Variants in GALNT3 observed in about 807,000 individuals in gnomAD.
The protein encoded by GALNT3 is GalNAc transferase 3.
A neutral mutation model predicts 69.8 loss-of-function variants in GALNT3; 51 were observed. The observed-to-expected ratio is 0.73, with a 90% CI of 0.58 to 0.92. The LOEUF is 0.92. GALNT3 is among the 40% of genes least tolerant of loss of function. The probability of loss-of-function intolerance (pLI) is 0.00; values close to 1 mark genes in which losing one functional copy is unlikely to be tolerated. For missense variants in GALNT3, 711 were observed against 760.0 expected, an observed-to-expected ratio of 0.94 and a Z score of 0.76; for synonymous variants, 265 against 248.5, an observed-to-expected ratio of 1.07 and a Z score of -0.63.
intron 1 of GALNT3, among the ~76,000 whole-genome samples, chr2:165,780,481 G>C (rs765655819): frequency 3.3e-5 from 5 of 152,036 alleles, no homozygotes; most frequent in Non-Finnish European, 7.4e-5. Context: ...CAACATGGTG[G>C]ACAACCATAT....
intron 10 of GALNT3, among the ~76,000 whole-genome samples, chr2:165,749,225 G>A (rs750676313): frequency 7.9e-5 from 12 of 152,020 alleles, no homozygotes; most frequent in Non-Finnish European, 1.2e-4. Flanking sequence ...CAGTGTTAAC[G>A]TTTTCTAGTA....
intron 4 of GALNT3, among the ~76,000 whole-genome samples, chr2:165,761,589 C>G (rs577557141): frequency 1.6e-4 from 22 of 135,308 alleles, no homozygotes; most frequent in African/African-American, 5.4e-4. Context: ...CAAACAAACA[C>G]TTTTTTTTTT....
intron 1 of GALNT3, among the ~76,000 whole-genome samples, chr2:165,779,686 AC>A (rs955689576): frequency 2.0e-5 from 3 of 152,236 alleles, no homozygotes; most frequent in African/African-American, 7.2e-5. Flanking sequence ...GTTAACATAT[AC>A]AAAAAAAACC....
At chr2:165,769,449 A>G (rs2105418813) in intron 2 of GALNT3, among the ~76,000 whole-genome samples, 1 of 142,974 alleles carries the variant, frequency 7.0e-6, no homozygotes, top group East Asian at 2.1e-4. Context: ...ATAAATAAAT[A>G]AATAAATAAT....
intron 9 of GALNT3, among the ~76,000 whole-genome samples, chr2:165,751,778 T>C (rs1355680316): frequency 6.6e-6 from 1 of 152,090 alleles, no homozygotes; most frequent in African/African-American, 2.4e-5. Flanking sequence ...ACATGAAGTT[T>C]TATGCTATAA....
At chr2:165,750,512 G>A (rs1009891478) in intron 9 of GALNT3, among the ~76,000 whole-genome samples, 3 of 152,126 alleles carry the variant, frequency 2.0e-5, no homozygotes, top group Admixed American at 6.5e-5. Context: ...CCTCTCAGAT[G>A]TTAACATCCC....
chr2:165,762,772 C>G (rs1287551722), intron 3 of GALNT3, among the ~76,000 whole-genome samples: 1 of 152,042 alleles, frequency 6.6e-6, no homozygotes, highest in African/African-American at 2.4e-5. Context: ...AAGTTATTAA[C>G]AAATGTCAAT....
intron 1 of GALNT3, among the ~76,000 whole-genome samples, chr2:165,774,446 T>C (rs1424276171): frequency 6.6e-6 from 1 of 152,152 alleles, no homozygotes. Context: ...AAATCATACT[T>C]GTGGATAGGG....
At position 165,759,572 on chromosome 2, in the gene GALNT3, T is replaced by G. The variant is rs1688507660; in HGVS notation, c.839-2A>C. The G allele has an allele frequency of 1.2e-6, 2 of 1,606,476 alleles. No individual in the cohort carries two copies. The highest frequency in any genetic ancestry group is 4.5e-5 in the East Asian group (2 of 44,824). Reference sequence around the variant, plus strand: ...CTAGCCAACCATAGAAACACTCACCTGGAGGGAACAGAATTTTAATTAATT... The same window carrying G: ...CTAGCCAACCATAGAAACACTCACCGGGAGGGAACAGAATTTTAATTAATT... On this transcript the variant is annotated splice_acceptor_variant, in intron 4 of 10. Transcript: ENST00000392701. LOFTEE classifies it high-confidence loss of function.
chr2:165,760,376 C>A (rs569057346), intron 4 of GALNT3, among the ~76,000 whole-genome samples: 1 of 152,126 alleles, frequency 6.6e-6, no homozygotes, highest in African/African-American at 2.4e-5. Flanking sequence ...TAGGTCTAAG[C>A]CCTGGTCACA....
chr2:165,761,617 G>GGA, intron 4 of GALNT3: 2 of 542,602 alleles, frequency 3.7e-6, no homozygotes, highest in South Asian at 4.5e-5. Context: ...AAGAAACATG[G>GGA]AAAAAAAAAA....
chr2:165,759,258 C>T (rs1688499978), intron 5 of GALNT3, 78 bp downstream of exon 5: 3 of 1,147,544 alleles, frequency 2.6e-6, no homozygotes, highest in Non-Finnish European at 3.9e-6. Flanking sequence ...GAGGCAATTG[C>T]TATAAAGCAA....
intron 1 of GALNT3, among the ~76,000 whole-genome samples, chr2:165,780,452 T>C (rs1683078557): frequency 6.6e-6 from 1 of 152,170 alleles, no homozygotes; most frequent in Admixed American, 6.6e-5. Context: ...GATCTGTATT[T>C]CTAGGCATGT....
intron 10 of GALNT3, among the ~76,000 whole-genome samples, chr2:165,749,242 A>G (rs190017740): frequency 6.6e-6 from 1 of 152,280 alleles, no homozygotes; most frequent in East Asian, 1.9e-4. Context: ...AGTACTGCAC[A>G]AAACAATGTT....
At chr2:165,794,305 C>T (rs1471476957), upstream of GALNT3, 1 of 152,542 alleles carries the variant, frequency 6.6e-6, no homozygotes, top group Non-Finnish European at 1.5e-5. Flanking sequence ...CGCCAGCCTC[C>T]CGCCCCGCCC....
intron 1 of GALNT3, among the ~76,000 whole-genome samples, chr2:165,788,317 A>AG: frequency 8.9e-6 from 1 of 111,944 alleles, no homozygotes; most frequent in African/African-American, 4.3e-5. Flanking sequence ...ACATCACCTC[A>AG]AAAAAAAAAA....
At chr2:165,749,997 T>G (rs1688329978) in intron 9 of GALNT3, 103 bp from the exon 10 acceptor site, 2 of 1,049,646 alleles carry the variant, frequency 1.9e-6, no homozygotes, top group Non-Finnish European at 2.9e-6. Context: ...GTCATTTCTA[T>G]TTCAACAAAA....
intron 1 of GALNT3, among the ~76,000 whole-genome samples, chr2:165,789,795 G>A (rs1196516921): frequency 1.3e-5 from 2 of 152,094 alleles, no homozygotes; most frequent in African/African-American, 4.8e-5. Context: ...CAGGGCCTGG[G>A]CAGTATTATG....
At chr2:165,769,997 C>A in intron 2 of GALNT3, 189 bp downstream of exon 2, 1 of 688,454 alleles carries the variant, frequency 1.5e-6, no homozygotes, top group Non-Finnish European at 2.5e-6. Context: ...CACTGCCTCA[C>A]CAAGCATAAA....
Sources: allele counts gnomAD v4.1 joint callset (sites outside exome capture counted in the v4.1 genomes callset), GRCh38; gene constraint gnomAD v4.1.1; transcripts MANE v1.5; gene names NCBI Gene and HGNC (gene_info 2026-07-23, HGNC 2026-07-21).